The following PLCL2 variants were observed in gnomAD, a reference collection of about 807,000 sequenced individuals.
PLCL2 encodes phospholipase C like 2, also known as inactive phospholipase C-like protein 2.
Under a neutral mutation model 79.6 loss-of-function variants are expected in PLCL2, and 4 were observed. The ratio of observed to expected loss-of-function variants is 0.05; its 90% CI spans 0.02 to 0.11. The LOEUF (loss-of-function observed/expected upper bound fraction) is 0.11. PLCL2 is among the 10% of genes least tolerant of loss of function. PLCL2 has a pLI of 1.00. For synonymous variants in PLCL2, 484 were observed against 457.7 expected (o/e 1.06, Z -0.73); for missense variants, 895 against 1,291.0 (o/e 0.69, Z 4.70).
chr3:16,974,351 A>G (rs1438157166), intron 1 of PLCL2, among the ~76,000 whole-genome samples: 1 of 152,132 alleles, frequency 6.6e-6, no homozygotes, highest in Non-Finnish European at 1.5e-5. Context: ...GACCTCAGAG[A>G]CATAATGTGG....
At chr3:16,941,398 C>G (rs947109735) in intron 1 of PLCL2, among the ~76,000 whole-genome samples, 1 of 152,130 alleles carries the variant, frequency 6.6e-6, no homozygotes, top group Non-Finnish European at 1.5e-5. Context: ...AGATGATTCT[C>G]TTTTAAAAAC....
chr3:16,908,099 A>G (rs796978012), intron 1 of PLCL2, among the ~76,000 whole-genome samples: 2 of 151,984 alleles, frequency 1.3e-5, no homozygotes, highest in African/African-American at 4.8e-5. Context: ...CTGTCTCTCT[A>G]TTTAAACTTT....
At chr3:17,084,776 T>C (rs1459988687) in intron 5 of PLCL2, among the ~76,000 whole-genome samples, 1 of 152,124 alleles carries the variant, frequency 6.6e-6, no homozygotes. Context: ...AGGACCTTAC[T>C]CAACTTGATA....
chr3:16,961,598 G>GT (rs1386648697), intron 1 of PLCL2, among the ~76,000 whole-genome samples: 1 of 152,176 alleles, frequency 6.6e-6, no homozygotes, highest in Middle Eastern at 3.2e-3. Context: ...AGGGAATGGG[G>GT]TCCAGGGCAC....
chr3:17,067,786 A>G (rs1476278447), intron 4 of PLCL2, among the ~76,000 whole-genome samples, 170 bp from the exon 5 acceptor site: 3 of 152,232 alleles, frequency 2.0e-5, no homozygotes, highest in Non-Finnish European at 2.9e-5. Flanking sequence ...TGTTGCTGCC[A>G]TAATTTTTCA....
intron 3 of PLCL2, among the ~76,000 whole-genome samples, chr3:17,039,604 G>A (rs972924175): frequency 6.6e-6 from 1 of 152,138 alleles, no homozygotes; most frequent in Non-Finnish European, 1.5e-5. Flanking sequence ...TTTTATAACA[G>A]GTGTGACAAC....
chr3:16,954,350 A>G (rs973437458), intron 1 of PLCL2, among the ~76,000 whole-genome samples: 1 of 152,212 alleles, frequency 6.6e-6, no homozygotes, highest in Non-Finnish European at 1.5e-5. Context: ...TGCAAAGGAC[A>G]TGCACTCATC....
intron 1 of PLCL2, among the ~76,000 whole-genome samples, chr3:16,959,432 T>G (rs544884087): frequency 7.2e-5 from 11 of 152,320 alleles, no homozygotes; most frequent in African/African-American, 2.6e-4. Context: ...TGTTGCTGAC[T>G]CTGCCCTTTA....
chr3:16,893,924 T>C (rs1204937764), intron 1 of PLCL2, among the ~76,000 whole-genome samples: 1 of 152,174 alleles, frequency 6.6e-6, no homozygotes, highest in Non-Finnish European at 1.5e-5. Context: ...ACTGATGGAC[T>C]GATGGGTAGC....
chr3:17,086,217 CAG>C (rs1285506386), intron 5 of PLCL2, among the ~76,000 whole-genome samples: 2 of 152,252 alleles, frequency 1.3e-5, no homozygotes, highest in East Asian at 3.9e-4. Context: ...GGAAATAAAA[CAG>C]TGTGAAAAGA....
At chr3:16,971,303 C>A (rs1303983275) in intron 1 of PLCL2, among the ~76,000 whole-genome samples, 3 of 152,214 alleles carry the variant, frequency 2.0e-5, no homozygotes, top group Non-Finnish European at 4.4e-5. Flanking sequence ...TTCCCCGCAC[C>A]ATTTATTAAA....
intron 4 of PLCL2, among the ~76,000 whole-genome samples, chr3:17,065,554 C>T (rs566687892): frequency 1.3e-5 from 2 of 152,310 alleles, no homozygotes; most frequent in East Asian, 3.9e-4. Context: ...CATTACCTTA[C>T]AGGTGATCAA....
chr3:16,910,408 G>C (rs1306318128), intron 1 of PLCL2, among the ~76,000 whole-genome samples: 1 of 152,048 alleles, frequency 6.6e-6, no homozygotes, highest in East Asian at 1.9e-4. Context: ...GTAGTGTTTG[G>C]CATGGCTGAT....
At chr3:16,967,220 G>T (rs1474969918) in intron 1 of PLCL2, among the ~76,000 whole-genome samples, 2 of 152,028 alleles carry the variant, frequency 1.3e-5, no homozygotes, top group Non-Finnish European at 2.9e-5. Context: ...TAGTCCTGCA[G>T]TGAACAAACA....
intron 1 of PLCL2, among the ~76,000 whole-genome samples, chr3:16,961,786 G>T (rs2063756925): frequency 6.6e-6 from 1 of 152,198 alleles, no homozygotes; most frequent in Non-Finnish European, 1.5e-5. Flanking sequence ...GGAAGGTAGA[G>T]TATGTGAAAC....
intron 5 of PLCL2, among the ~76,000 whole-genome samples, chr3:17,069,095 G>A (rs1038167475): frequency 6.6e-6 from 1 of 152,144 alleles, no homozygotes; most frequent in African/African-American, 2.4e-5. Context: ...TATTTAAGGT[G>A]CAGAAGCATG....
At chr3:16,968,956 A>G (rs1443860077) in intron 1 of PLCL2, among the ~76,000 whole-genome samples, 3 of 152,154 alleles carry the variant, frequency 2.0e-5, no homozygotes, top group Admixed American at 2.0e-4. Context: ...TTTTAACACG[A>G]AGGATGTTGG....
At chr3:17,075,187 GT>G (rs1477196883) in intron 5 of PLCL2, among the ~76,000 whole-genome samples, 2 of 152,112 alleles carry the variant, frequency 1.3e-5, no homozygotes, top group African/African-American at 4.8e-5. Context: ...CCTTTGTAAG[GT>G]TATTTTTTGG....
In PLCL2 at chr3:17,014,787, C is replaced by T; in HGVS notation, c.2894C>T (p.Pro965Leu). 6.2e-7 allele frequency: 1 copy of T among 1,614,148 alleles called. No individual in the cohort carries two copies. Among genetic ancestry groups the T allele is most frequent in the South Asian group, 1.1e-5 (1 of 91,084 alleles). Residue 965 changes from proline to leucine, a missense_variant, in exon 3 of 6, where the codon CCC (proline) becomes CTC (leucine). By Grantham distance (98) the Pro-to-Leu change is moderately conservative. Around this residue, in one of 6 missense-constraint regions of PLCL2, gnomAD observed 298 missense variants for 459.6 expected, o/e 0.65. Transcript: ENST00000615277. ...ATGCAGTGCATGTTGGCGGTGTCTC[C>T]CCGCTTTCTGGGGCCCGATAACACA... ...NLMQCMLAVSPRFLGPDNTPL... is the reference protein window; with the variant it reads ...NLMQCMLAVSLRFLGPDNTPL...
Sources: allele counts gnomAD v4.1 joint callset (sites outside exome capture counted in the v4.1 genomes callset), GRCh38; gene constraint gnomAD v4.1.1; regional missense constraint gnomAD v4.1.1; transcripts MANE v1.5; gene names NCBI Gene and HGNC (gene_info 2026-07-23, HGNC 2026-07-21).